The following SNTG1 variants were observed in gnomAD, a reference collection of about 807,000 sequenced individuals.
SNTG1 encodes gamma-1-syntrophin.
In SNTG1, 39 loss-of-function variants were observed where a neutral mutation model predicts 74.7. The ratio of observed to expected loss-of-function variants is 0.52; its 90% CI spans 0.40 to 0.68. The LOEUF is 0.68. Among genes scored for constraint, SNTG1 ranks in the 30% least tolerant of loss-of-function variants. The pLI, the probability that SNTG1 is intolerant of heterozygous loss-of-function variation, is 0.00. For missense variants in SNTG1, 685 were observed against 609.5 expected (o/e 1.12, Z -1.30); for synonymous variants, 254 against 217.1 (o/e 1.17, Z -1.49).
chr8:49,966,612 C>T (rs1811165557), intron 1 of SNTG1, among the ~76,000 whole-genome samples: 1 of 152,022 alleles, frequency 6.6e-6, no homozygotes, highest in Admixed American at 6.6e-5. Context: ...CCAGGCTGGT[C>T]TCAAACTCCT....
rs1322437814 is a variant in SNTG1, at chr8:50,436,464, T to C, written c.163-2079T>C. On this transcript the variant is annotated intron_variant, in intron 4 of 18. Coordinates refer to ENST00000642720, the MANE Select transcript of SNTG1 (RefSeq NM_018967.5). Reference sequence around the variant, plus strand: ...ATCAGATTGTGTGTGTGTGCGTGCATGTGTGTGTGTAAATACTAAATTTCT... The same window carrying C: ...ATCAGATTGTGTGTGTGTGCGTGCACGTGTGTGTGTAAATACTAAATTTCT... 4.6e-5 allele frequency among the ~76,000 whole-genome samples: 7 copies of C among 152,236 alleles called. No homozygotes were observed. The East Asian group carries it at 1.2e-3, about 25-fold the overall frequency.
chr8:50,235,659 A>G (rs1314610887), intron 2 of SNTG1, among the ~76,000 whole-genome samples: 1 of 152,170 alleles, frequency 6.6e-6, no homozygotes, highest in Non-Finnish European at 1.5e-5. Flanking sequence ...TGTGTTGGCT[A>G]GTGGATTACG....
chr8:50,763,933 A>G (rs1381631045), intron 18 of SNTG1, among the ~76,000 whole-genome samples: 3 of 149,156 alleles, frequency 2.0e-5, no homozygotes, highest in Admixed American at 1.3e-4. Context: ...ATTCCTATAC[A>G]TAGGTATAGG....
intron 4 of SNTG1, among the ~76,000 whole-genome samples, chr8:50,411,447 C>T (rs1004814649): frequency 1.0e-3 from 111 of 109,646 alleles, no homozygotes; most frequent in African/African-American, 3.7e-3. Flanking sequence ...GACTCCATCT[C>T]AAAAAAAAAA....
chr8:49,974,666 T>G (rs1173104972), intron 1 of SNTG1, among the ~76,000 whole-genome samples: 1 of 152,084 alleles, frequency 6.6e-6, no homozygotes, highest in Non-Finnish European at 1.5e-5. Context: ...AACTGTAAAA[T>G]GAAGGCCCTG....
At chr8:50,654,590 C>A (rs1327414840) in intron 13 of SNTG1, among the ~76,000 whole-genome samples, 1 of 152,070 alleles carries the variant, frequency 6.6e-6, no homozygotes, top group East Asian at 1.9e-4. Flanking sequence ...ATGTTATTCT[C>A]CTGATGTACT....
intron 2 of SNTG1, among the ~76,000 whole-genome samples, chr8:50,324,880 G>T (rs955704503): frequency 6.7e-6 from 1 of 149,192 alleles, no homozygotes; most frequent in Non-Finnish European, 1.5e-5. Context: ...GTAAACTTGT[G>T]ATTTACATTT....
intron 1 of SNTG1, among the ~76,000 whole-genome samples, chr8:50,036,902 G>A (rs991921352): frequency 2.0e-5 from 3 of 152,130 alleles, no homozygotes; most frequent in African/African-American, 7.2e-5. Context: ...ACACACTTAA[G>A]AAATATACAA....
At chr8:50,305,754 T>C (rs2089864964) in intron 2 of SNTG1, among the ~76,000 whole-genome samples, 1 of 152,074 alleles carries the variant, frequency 6.6e-6, no homozygotes, top group Admixed American at 6.6e-5. Context: ...ATAATAAAGT[T>C]TAAGGTTCAA....
rs149031389 is a variant in SNTG1 at position 50,474,218 on chromosome 8, G to A, written c.363+23489G>A. 3.4e-3 allele frequency among the ~76,000 whole-genome samples: 517 copies of A among 152,084 alleles called. 6 individuals are homozygous for A. Among genetic ancestry groups the A allele is most frequent in the African/African-American group, 0.011 (464 of 41,504 alleles). ...AGCAATGGCAACACAACCCAAAATT[G>A]ACAAATGGGATCTAATTAAACTAAA... On this transcript the variant is annotated intron_variant, in intron 8 of 18. Coordinates refer to ENST00000642720, the MANE Select transcript of SNTG1 (RefSeq NM_018967.5).
chr8:50,463,795 G>C (rs1292029414), intron 8 of SNTG1, among the ~76,000 whole-genome samples: 1 of 152,186 alleles, frequency 6.6e-6, no homozygotes, highest in African/African-American at 2.4e-5. Context: ...GTTCTTTGAA[G>C]CATTGAAAAC....
intron 18 of SNTG1, among the ~76,000 whole-genome samples, chr8:50,783,144 G>A (rs1452284880): frequency 6.6e-6 from 1 of 152,178 alleles, no homozygotes; most frequent in Non-Finnish European, 1.5e-5. Context: ...GGGGGTCAGG[G>A]GTCAGGGACC....
chr8:50,124,363 T>C (rs189902220), intron 1 of SNTG1, among the ~76,000 whole-genome samples: 3 of 142,304 alleles, frequency 2.1e-5, no homozygotes, highest in African/African-American at 7.6e-5. Flanking sequence ...CTGCTACTGT[T>C]TTATGGCAGG....
At chr8:50,317,931 G>C (rs2130792572) in intron 2 of SNTG1, among the ~76,000 whole-genome samples, 1 of 152,188 alleles carries the variant, frequency 6.6e-6, no homozygotes, top group Admixed American at 6.5e-5. Context: ...CCGCCTCCCG[G>C]GTTCACGCCA....
At chr8:50,585,005 G>A (rs766983596) in intron 12 of SNTG1, among the ~76,000 whole-genome samples, 1 of 152,124 alleles carries the variant, frequency 6.6e-6, no homozygotes, top group Admixed American at 6.5e-5. Context: ...TTGGGAAGAA[G>A]GGGCAGGCAT....
intron 1 of SNTG1, among the ~76,000 whole-genome samples, chr8:50,152,637 A>G (rs1386241794): frequency 6.6e-6 from 1 of 152,134 alleles, no homozygotes; most frequent in Non-Finnish European, 1.5e-5. Context: ...GCTTGTCTGT[A>G]AAGGATTTTA....
chr8:50,718,329 C>A (rs768404003), intron 17 of SNTG1, among the ~76,000 whole-genome samples: 2 of 152,166 alleles, frequency 1.3e-5, no homozygotes, highest in African/African-American at 2.4e-5. Flanking sequence ...ATCTGAGGAA[C>A]TTTGGACTTC....
chr8:50,389,768 T>G (rs1295229990), intron 2 of SNTG1, among the ~76,000 whole-genome samples: 1 of 152,244 alleles, frequency 6.6e-6, no homozygotes, highest in Non-Finnish European at 1.5e-5. Flanking sequence ...TTTTTAATGA[T>G]CGCCATTCTA....
At chr8:50,623,689 A>G (rs1308271295) in intron 13 of SNTG1, among the ~76,000 whole-genome samples, 1 of 139,404 alleles carries the variant, frequency 7.2e-6, no homozygotes, top group Non-Finnish European at 1.6e-5. Context: ...ATTTGAAAAT[A>G]TTTGTTTTTA....
Sources: gnomAD v4.1 joint callset for allele counts (sites outside exome capture counted in the v4.1 genomes callset) on GRCh38, gnomAD v4.1.1 for gene constraint, MANE v1.5 for transcripts, NCBI Gene and HGNC (gene_info 2026-07-23, HGNC 2026-07-21) for gene names.